MXD1: variants seen among roughly 807,000 people sequenced by gnomAD.
MXD1 encodes the protein MAX-binding protein.
Under a neutral mutation model 25.7 loss-of-function variants are expected in MXD1, and 9 were observed. The observed-to-expected ratio is 0.35, with a 90% CI of 0.21 to 0.61. The LOEUF (loss-of-function observed/expected upper bound fraction) is 0.61, where lower values mean the gene tolerates loss of function less well. Among genes scored for constraint, MXD1 ranks in the 20% least tolerant of loss-of-function variants. The pLI is 0.75. For missense variants in MXD1, 227 were observed against 292.4 expected (o/e 0.78, Z 1.63); for synonymous variants, 99 against 113.9 (o/e 0.87, Z 0.83).
chr2:69,939,906 T>G lies in MXD1; in HGVS notation c.*1622T>G, dbSNP rs911350557. 2.0e-5 allele frequency: 3 copies of G among 152,470 alleles called. No homozygotes were observed. The highest frequency in any genetic ancestry group is 4.4e-5 in the Non-Finnish European group (3 of 68,060). The allele number at this position is 152,470 out of a possible 1,614,324, so 9.4% of individuals were successfully genotyped here. On this transcript the variant is annotated 3_prime_UTR_variant, in exon 6 of 6. Coordinates refer to ENST00000264444, the MANE Select transcript of MXD1 (RefSeq NM_002357.4). ...GCCTGCACCTCGCACACAGCTAAGG[T>G]CAAAGTTCAAACGCACTCCACACGG...
chr2:69,924,670 T>C (rs1677136358), intron 3 of MXD1, among the ~76,000 whole-genome samples: 1 of 152,130 alleles, frequency 6.6e-6, no homozygotes, highest in Non-Finnish European at 1.5e-5. Context: ...CTGATAACAT[T>C]GCATAAAAAG....
intron 3 of MXD1, among the ~76,000 whole-genome samples, chr2:69,933,210 A>C (rs1438935601): frequency 1.3e-5 from 2 of 151,038 alleles, no homozygotes; most frequent in South Asian, 2.1e-4. Flanking sequence ...CAAAAAAAAA[A>C]AAAAAAAAAA....
intron 2 of MXD1, among the ~76,000 whole-genome samples, chr2:69,919,097 A>G (rs892954523): frequency 1.3e-5 from 2 of 152,180 alleles, no homozygotes; most frequent in Non-Finnish European, 2.9e-5. Flanking sequence ...TGTGCTTCCT[A>G]TGGAGTTTGT....
In MXD1 at chr2:69,915,250, C is replaced by A. The variant is rs1363843428; in HGVS notation, c.-81C>A. Reference sequence around the variant, plus strand: ...GCGGGCTCCACAGCGGGCTCCATAGCGGGCTCCACAGCGGTCCGGCGGCGG... The same window carrying A: ...GCGGGCTCCACAGCGGGCTCCATAGAGGGCTCCACAGCGGTCCGGCGGCGG... On this transcript the variant is annotated 5_prime_UTR_variant, in exon 1 of 6. Transcript: ENST00000264444. The surrounding 1 kb of genome is among the most constrained non-coding windows in gnomAD (Gnocchi z 5.8). 7 of 1,222,360 alleles carry A rather than the reference C, an allele frequency of 5.7e-6. No homozygotes were observed. The highest frequency in any genetic ancestry group is 7.3e-6 in the Non-Finnish European group (7 of 953,268). The allele number at this position is 1,222,360 out of a possible 1,614,324, so 75.7% of individuals were successfully genotyped here. A position where few individuals can be genotyped will look rare whatever the true frequency, so the allele number is the denominator to read the frequency against.
intron 3 of MXD1, among the ~76,000 whole-genome samples, chr2:69,931,832 A>C (rs1677292982): frequency 6.6e-6 from 1 of 152,224 alleles, no homozygotes; most frequent in Admixed American, 6.5e-5. Flanking sequence ...GTTTCTGAAG[A>C]GTCAGAAGGT....
At position 69,940,121 on chromosome 2, in the gene MXD1, G is replaced by C. The variant is rs908680110; in HGVS notation, c.*1837G>C. ...TCTTTTCTTCATTTTGGCTTTGGGT[G>C]GGGGGAGGGGCAGGTGACACAAAGG... On this transcript the variant is annotated 3_prime_UTR_variant, in exon 6 of 6. Transcript: ENST00000264444. 1 of 122,846 alleles carries C rather than the reference G, an allele frequency of 8.1e-6. No individual in the cohort carries two copies. The highest frequency in any genetic ancestry group is 9.2e-5 in the Admixed American group (1 of 10,844). The allele number at this position is 122,846 out of a possible 1,614,324, so 7.6% of individuals were successfully genotyped here.
rs563081126 is a variant in MXD1 at position 69,930,116 on chromosome 2, G to C, written c.204-5235G>C. 6.1e-4 allele frequency among the ~76,000 whole-genome samples: 93 copies of C among 152,114 alleles called. 1 individual carries two copies. The Middle Eastern group carries it at 0.024, about 39-fold the overall frequency. On this transcript the variant is annotated intron_variant, in intron 3 of 5. Coordinates refer to ENST00000264444, the MANE Select transcript of MXD1 (RefSeq NM_002357.4). Reference sequence around the variant, plus strand: ...GGAACATTGACATTTTTTGTTTGGAGGATTCATATCCAGGAATCTGCTATT... The same window carrying C: ...GGAACATTGACATTTTTTGTTTGGACGATTCATATCCAGGAATCTGCTATT...
At position 69,939,322 on chromosome 2, in the gene MXD1, T is replaced by G. The variant is rs886759504; in HGVS notation, c.*1038T>G. 1.3e-5 allele frequency: 2 copies of G among 152,656 alleles called. No individual in the cohort carries two copies. The highest frequency in any genetic ancestry group is 3.8e-4 in the East Asian group (2 of 5,204). 9.5% of individuals were successfully genotyped at this position (152,656 alleles called of 1,614,324 possible). ...GAGGATGGTACACTGTTACTAGAAC[T>G]CCTCTCCTTATTGATTATTTTTGGA... is the stretch of plus-strand genomic sequence containing the variant. On this transcript the variant is annotated 3_prime_UTR_variant, in exon 6 of 6. Coordinates refer to ENST00000264444, the MANE Select transcript of MXD1 (RefSeq NM_002357.4).
At chr2:69,916,014 C>T (rs1558566572) in intron 1 of MXD1, 107 bp from the exon 2 acceptor site, 1 of 708,604 alleles carries the variant, frequency 1.4e-6, no homozygotes, top group Non-Finnish European at 2.5e-6. Context: ...TAATTATTTC[C>T]ACAATATTCT....
At position 69,940,329 on chromosome 2, in the gene MXD1, T is replaced by C. The variant is rs1677567063; in HGVS notation, c.*2045T>C. On this transcript the variant is annotated 3_prime_UTR_variant, in exon 6 of 6. Coordinates refer to ENST00000264444, the MANE Select transcript of MXD1 (RefSeq NM_002357.4). ...ATTTGAAAAAGATATGTCTGCACTT[T>C]GAGGTCCCTTTTGAATGCCATTCAC... is the stretch of plus-strand genomic sequence containing the variant. 6.6e-6 allele frequency: 1 copy of C among 152,202 alleles called. No homozygotes were observed. Among genetic ancestry groups the C allele is most frequent in the Non-Finnish European group, 1.5e-5 (1 of 68,032 alleles). The allele number at this position is 152,202 out of a possible 1,614,324, so 9.4% of individuals were successfully genotyped here.
chr2:69,939,934 G>C lies in MXD1; in HGVS notation c.*1650G>C, dbSNP rs1677556441. 1 of 152,386 alleles carries C rather than the reference G, an allele frequency of 6.6e-6. No individual in the cohort carries two copies. 9.4% of individuals were successfully genotyped at this position (152,386 alleles called of 1,614,324 possible). The stretch of plus-strand genomic sequence containing the variant: ...AAGTTCAAACGCACTCCACACGGAA[G>C]CTCATTCTATACCCGAAGAGCAGTC... On this transcript the variant is annotated 3_prime_UTR_variant, in exon 6 of 6. Coordinates refer to ENST00000264444, the MANE Select transcript of MXD1 (RefSeq NM_002357.4).
chr2:69,940,799 T>C lies in MXD1; in HGVS notation c.*2515T>C, dbSNP rs1677577744. Reference sequence around the variant, plus strand: ...GACCGAGTCAGCATGCTAGACAGGCTTCTCTCTCTAACCAAAACTGTAATC... The same window carrying C: ...GACCGAGTCAGCATGCTAGACAGGCCTCTCTCTCTAACCAAAACTGTAATC... On this transcript the variant is annotated 3_prime_UTR_variant, in exon 6 of 6. Transcript: ENST00000264444. 6.6e-6 allele frequency: 1 copy of C among 152,638 alleles called. No homozygotes were observed. The highest frequency in any genetic ancestry group is 2.4e-5 in the African/African-American group (1 of 41,456). The allele number at this position is 152,638 out of a possible 1,614,324, so 9.5% of individuals were successfully genotyped here. A position where few individuals can be genotyped will look rare whatever the true frequency, so the allele number is the denominator to read the frequency against.
At chr2:69,920,179 G>C (rs1169818631) in intron 2 of MXD1, among the ~76,000 whole-genome samples, 2 of 151,696 alleles carry the variant, frequency 1.3e-5, no homozygotes, top group Non-Finnish European at 2.9e-5. Context: ...GTAGAGACAG[G>C]GTTTCACCAT....
intron 2 of MXD1, among the ~76,000 whole-genome samples, chr2:69,918,103 A>G (rs990191775): frequency 7.2e-5 from 11 of 152,296 alleles, no homozygotes; most frequent in African/African-American, 2.6e-4. Flanking sequence ...AAGCAATCAT[A>G]ATGGAGAAAG....
At chr2:69,935,559 C>T in intron 4 of MXD1, 94 bp downstream of exon 4, 1 of 806,662 alleles carries the variant, frequency 1.2e-6, no homozygotes, top group South Asian at 1.5e-5. Flanking sequence ...CCCCTGAACT[C>T]CTCCAGTCTA....
chr2:69,935,324 A>C (rs78153488), intron 3 of MXD1, 27 bp from the exon 4 acceptor site: 1 of 1,551,580 alleles, frequency 6.4e-7, no homozygotes, highest in East Asian at 2.2e-5. Flanking sequence ...GAAACTCTCA[A>C]ATGCTACTGT....
intron 2 of MXD1, 179 bp downstream of exon 2, chr2:69,916,399 G>A (rs1259643925): frequency 2.2e-6 from 1 of 448,522 alleles, no homozygotes; most frequent in East Asian, 3.7e-5. Flanking sequence ...TGGGTTGAGG[G>A]AACTGAAAAG....
Position 69,941,103 on chromosome 2 carries a change from T to A in MXD1, c.*2819T>A, listed in dbSNP as rs533837503. The A allele has an allele frequency of 4.6e-5, 7 of 152,306 alleles. No homozygotes were observed. The South Asian group carries it at 1.0e-3, about 23-fold the overall frequency. The allele number at this position is 152,306 out of a possible 1,614,324, so 9.4% of individuals were successfully genotyped here. ...AATTGTACGTAAATACAGATGTGTA[T>A]AAATATAGGCACATGCATATTTTTA... On this transcript the variant is annotated 3_prime_UTR_variant, in exon 6 of 6. Transcript: ENST00000264444.
chr2:69,937,277 C>G lies in MXD1; in HGVS notation c.361C>G (p.Gln121Glu). The G allele has an allele frequency of 6.2e-7, 1 of 1,614,142 alleles. No homozygotes were observed. The highest frequency in any genetic ancestry group is 1.1e-5 in the South Asian group (1 of 91,070). ...CDRKAVHQIDQLQREQRHLKR... is the reference protein window; with the variant it reads ...CDRKAVHQIDELQREQRHLKR... ...CAGAAAAGCCGTTCACCAAATCGACCAGCTTCAGCGAGAGCAGCGACACCT... is the reference window on the plus strand; with the variant it reads ...CAGAAAAGCCGTTCACCAAATCGACGAGCTTCAGCGAGAGCAGCGACACCT... Residue 121 changes from glutamine (Q) to glutamate (E), a missense_variant, in exon 5 of 6, where the codon CAG becomes GAG. Transcript: ENST00000264444.
Sources: allele counts gnomAD v4.1 joint callset (sites outside exome capture counted in the v4.1 genomes callset), GRCh38; gene constraint gnomAD v4.1.1; non-coding constraint Gnocchi (gnomAD v3.1); transcripts MANE v1.5; gene names NCBI Gene and HGNC (gene_info 2026-07-23, HGNC 2026-07-21).